Variants in XYLT1 observed in about 807,000 individuals in gnomAD.
The protein encoded by XYLT1 is beta-D-xylosyltransferase 1.
Under a neutral mutation model 91.3 loss-of-function variants are expected in XYLT1, and 36 were observed. The observed-to-expected ratio is 0.39, with a 90% CI of 0.30 to 0.52. The LOEUF is 0.52. XYLT1 is among the 20% of genes least tolerant of loss of function. The pLI is 0.68. For missense variants in XYLT1, 1,242 were observed against 1,284.5 expected (o/e 0.97, Z 0.51); for synonymous variants, 588 against 532.0 (o/e 1.11, Z -1.45).
chr16:17,418,908 G>T (rs1041289255), intron 1 of XYLT1, among the ~76,000 whole-genome samples: 1 of 152,022 alleles, frequency 6.6e-6, no homozygotes, highest in Non-Finnish European at 1.5e-5. Flanking sequence ...TGACAGCACA[G>T]GGGTCTCTAT....
At chr16:17,351,750 G>GGGT (rs1567387854) in intron 2 of XYLT1, among the ~76,000 whole-genome samples, 1 of 62,182 alleles carries the variant, frequency 1.6e-5, no homozygotes, top group Non-Finnish European at 3.0e-5. Context: ...CTTTTTTTTT[G>GGGT]GGGGGGGGTG....
At chr16:17,408,026 C>T (rs1423601214) in intron 1 of XYLT1, among the ~76,000 whole-genome samples, 1 of 152,234 alleles carries the variant, frequency 6.6e-6, no homozygotes. Context: ...GTGAAGCTGT[C>T]GGAGGCCCTC....
intron 11 of XYLT1, among the ~76,000 whole-genome samples, chr16:17,115,867 G>T (rs58390377): frequency 0.061 from 8,057 of 132,096 alleles, 751 homozygotes; most frequent in African/African-American, 0.21. Context: ...ATCATCATCA[G>T]CAGCAACAAC....
At position 17,113,121 on chromosome 16, in the gene XYLT1, G is replaced by A. The variant is rs542747062; in HGVS notation, c.2558-4104C>T. Among the ~76,000 whole-genome samples, 51 of 151,498 alleles carry A rather than the reference G, an allele frequency of 3.4e-4. No homozygotes were observed. The South Asian group carries it at 7.7e-3, about 23-fold the overall frequency. On this transcript the variant is annotated intron_variant, in intron 11 of 11. Transcript: ENST00000261381. ...CCCAAAGTGCTGGGATTACAGGCGTGAGCCACCGTGTCTGGCCTATTTATT... is the reference window on the plus strand; with the variant it reads ...CCCAAAGTGCTGGGATTACAGGCGTAAGCCACCGTGTCTGGCCTATTTATT...
intron 10 of XYLT1, among the ~76,000 whole-genome samples, chr16:17,119,775 A>G (rs1251820202): frequency 6.6e-6 from 1 of 152,252 alleles, no homozygotes; most frequent in Non-Finnish European, 1.5e-5. Context: ...CAGAGCCAGC[A>G]TGGGAACCCA....
chr16:17,372,019 G>A lies in XYLT1; in HGVS notation c.364-13969C>T, dbSNP rs76324888. On this transcript the variant is annotated intron_variant, in intron 1 of 11. Transcript: ENST00000261381. ...TTTGGAATTCCCTCTGTTCTAAGTT[G>A]CCCCATTCTTGGTACTAATTTCAAA... is the stretch of plus-strand genomic sequence containing the variant. Among the ~76,000 whole-genome samples, 254 of 152,256 alleles carry A rather than the reference G, an allele frequency of 1.7e-3. 1 individual carries two copies. The highest frequency in any genetic ancestry group is 3.2e-3 in the Non-Finnish European group (216 of 68,018).
At chr16:17,448,961 G>A (rs1040758423) in intron 1 of XYLT1, among the ~76,000 whole-genome samples, 3 of 152,226 alleles carry the variant, frequency 2.0e-5, no homozygotes, top group African/African-American at 7.2e-5. Flanking sequence ...CTGGGTGGCA[G>A]AGCCAGGCTG....
Position 17,302,306 on chromosome 16 carries a change from G to A in XYLT1, c.403-42808C>T, listed in dbSNP as rs535941455. Among the ~76,000 whole-genome samples the A allele has an allele frequency of 2.4e-4, 36 of 152,316 alleles. 1 individual carries two copies. The South Asian group carries it at 6.4e-3, about 27-fold the overall frequency. ...TACCAGGATGTGTCCTTACTCTGCT[G>A]AGTATCAGCATAAGATGTCGAGTCT... On this transcript the variant is annotated intron_variant, in intron 2 of 11. Transcript: ENST00000261381.
intron 2 of XYLT1, among the ~76,000 whole-genome samples, chr16:17,321,342 CTTTTTTTTTTTTTTTTTTTTTTTT>C: frequency 2.3e-5 from 1 of 43,622 alleles, no homozygotes; most frequent in South Asian, 1.3e-3. Context: ...ACTAACTAGC[CTTTTTTTTTTTTTTTTTTTTTTTT>C]TTTTTTTTTT....
chr16:17,439,884 C>T (rs1007217864), intron 1 of XYLT1, among the ~76,000 whole-genome samples: 9 of 152,280 alleles, frequency 5.9e-5, no homozygotes, highest in African/African-American at 2.2e-4. Context: ...CAAATCCATC[C>T]GGAATGTGAG....
chr16:17,112,275 A>G (rs1707642456), intron 11 of XYLT1, among the ~76,000 whole-genome samples: 1 of 152,108 alleles, frequency 6.6e-6, no homozygotes, highest in Admixed American at 6.5e-5. Context: ...ATTACTCTTG[A>G]TGAATCATTT....
chr16:17,212,371 C>T (rs959475854), intron 3 of XYLT1, among the ~76,000 whole-genome samples: 3 of 152,060 alleles, frequency 2.0e-5, no homozygotes, highest in Non-Finnish European at 4.4e-5. Flanking sequence ...GTTTGGTGGG[C>T]GCAAGTATTG....
intron 2 of XYLT1, among the ~76,000 whole-genome samples, chr16:17,326,215 T>A (rs2034799015): frequency 6.6e-6 from 1 of 152,060 alleles, no homozygotes; most frequent in Non-Finnish European, 1.5e-5. Context: ...TACAATGCAG[T>A]ATTGTTAACT....
intron 1 of XYLT1, among the ~76,000 whole-genome samples, chr16:17,441,756 T>G (rs1365486633): frequency 6.6e-6 from 1 of 152,162 alleles, no homozygotes; most frequent in Non-Finnish European, 1.5e-5. Context: ...AAGTGTCAGA[T>G]AATGGCTGAG....
intron 3 of XYLT1, among the ~76,000 whole-genome samples, chr16:17,256,147 A>C (rs562383638): frequency 6.6e-6 from 1 of 152,204 alleles, no homozygotes; most frequent in East Asian, 1.9e-4. Context: ...GGGGGGCCAT[A>C]AGGAAGGTTT....
intron 6 of XYLT1, among the ~76,000 whole-genome samples, chr16:17,147,952 TCTTC>T (rs971627602): frequency 9.2e-5 from 14 of 152,316 alleles, no homozygotes; most frequent in African/African-American, 2.6e-4. Flanking sequence ...AATGATACGC[TCTTC>T]CTTTTCATTT....
chr16:17,465,402 G>A lies in XYLT1; in HGVS notation c.363+5032C>T, dbSNP rs1202716482. On this transcript the variant is annotated intron_variant, in intron 1 of 11. Transcript: ENST00000261381. ...CCACAAAGTTGGGAGAAATCAGTAA[G>A]ACAGTAAGGTAACATTTACAAATCC... is the stretch of plus-strand genomic sequence containing the variant. 2.6e-5 allele frequency among the ~76,000 whole-genome samples: 4 copies of A among 152,056 alleles called. No homozygotes were observed. In the East Asian group the frequency reaches 7.7e-4, roughly 29 times the overall value.
At chr16:17,263,800 C>T (rs1351715392) in intron 2 of XYLT1, among the ~76,000 whole-genome samples, 1 of 152,108 alleles carries the variant, frequency 6.6e-6, no homozygotes, top group East Asian at 1.9e-4. Context: ...CCTCCGCCTC[C>T]CAGGTTCAAG....
chr16:17,434,399 C>G (rs944352581), intron 1 of XYLT1, among the ~76,000 whole-genome samples: 2 of 152,220 alleles, frequency 1.3e-5, no homozygotes, highest in Admixed American at 6.5e-5. Flanking sequence ...CTGTTATCCA[C>G]ACAATGCCTT....
Sources: allele counts gnomAD v4.1 joint callset (sites outside exome capture counted in the v4.1 genomes callset), GRCh38; gene constraint gnomAD v4.1.1; transcripts MANE v1.5; gene names NCBI Gene and HGNC (gene_info 2026-07-23, HGNC 2026-07-21).